CALN1: variants seen among roughly 807,000 people sequenced by gnomAD.
The protein encoded by CALN1 is calneuron 1.
In CALN1, 17 loss-of-function variants were observed where a neutral mutation model predicts 30.6. The observed-to-expected ratio is 0.56, with a 90% CI of 0.38 to 0.83. CALN1 has a LOEUF of 0.83. CALN1 is among the 40% of genes least tolerant of loss of function. The pLI, the probability that CALN1 is intolerant of heterozygous loss-of-function variation, is 0.00. For missense variants in CALN1, 291 were observed against 354.9 expected, an observed-to-expected ratio of 0.82 and a Z score of 1.45; for synonymous variants, 156 against 131.4, an observed-to-expected ratio of 1.19 and a Z score of -1.28.
At chr7:71,891,962 A>G (rs893887309) in intron 5 of CALN1, among the ~76,000 whole-genome samples, 2 of 152,128 alleles carry the variant, frequency 1.3e-5, no homozygotes, top group Non-Finnish European at 2.9e-5. Flanking sequence ...ATAAATAAAA[A>G]AAAAAATAAC....
chr7:72,493,313 A>G, the CALN1 span, among the ~76,000 whole-genome samples: 1 of 152,046 alleles, frequency 6.6e-6, no homozygotes, highest in Admixed American at 6.6e-5. Flanking sequence ...TAATGTTTTC[A>G]AGGTTTGTCC....
At chr7:72,226,397 T>A in intron 3 of CALN1, among the ~76,000 whole-genome samples, 1 of 151,856 alleles carries the variant, frequency 6.6e-6, no homozygotes, top group Admixed American at 6.6e-5. Flanking sequence ...ATGCATAGTC[T>A]AGCCCATAGG....
At chr7:72,260,321 A>G (rs531510434) in intron 3 of CALN1, among the ~76,000 whole-genome samples, 21 of 152,108 alleles carry the variant, frequency 1.4e-4, no homozygotes, top group Non-Finnish European at 2.8e-4. Flanking sequence ...CCTTTGACAA[A>G]CTCCGTTTGT....
At chr7:72,164,349 C>CAAA (rs71531792) in intron 3 of CALN1, among the ~76,000 whole-genome samples, 12 of 117,390 alleles carry the variant, frequency 1.0e-4, no homozygotes, top group Non-Finnish European at 1.6e-4. Context: ...AACACTCCGT[C>CAAA]AAAAAAAAAA....
intron 2 of CALN1, among the ~76,000 whole-genome samples, chr7:72,282,726 T>G (rs1239917202): frequency 6.6e-6 from 1 of 152,204 alleles, no homozygotes; most frequent in African/African-American, 2.4e-5. Context: ...AAGGTATTTG[T>G]TACAGCAGTA....
chr7:72,382,101 T>C (rs1487360423), intron 2 of CALN1, among the ~76,000 whole-genome samples: 1 of 152,162 alleles, frequency 6.6e-6, no homozygotes, highest in Non-Finnish European at 1.5e-5. Flanking sequence ...AAAACAAAAA[T>C]GCAAGCCCCT....
intron 5 of CALN1, among the ~76,000 whole-genome samples, chr7:71,991,560 C>G (rs1798955206): frequency 6.6e-6 from 1 of 151,112 alleles, no homozygotes; most frequent in Non-Finnish European, 1.5e-5. Flanking sequence ...CCATTCTGAC[C>G]AATCAATCTA....
intron 2 of CALN1, among the ~76,000 whole-genome samples, chr7:72,287,254 C>A (rs1486424745): frequency 6.6e-6 from 1 of 151,990 alleles, no homozygotes; most frequent in Non-Finnish European, 1.5e-5. Flanking sequence ...CCTTCCTGTC[C>A]ATGCTTTTAA....
chr7:72,016,186 T>C (rs996858792), intron 5 of CALN1, among the ~76,000 whole-genome samples: 4 of 148,186 alleles, frequency 2.7e-5, no homozygotes, highest in African/African-American at 7.7e-5. Flanking sequence ...GAGGTGGAGG[T>C]TGCAGTGAGC....
At chr7:72,039,247 G>A (rs890034630) in intron 4 of CALN1, among the ~76,000 whole-genome samples, 1 of 152,216 alleles carries the variant, frequency 6.6e-6, no homozygotes, top group Non-Finnish European at 1.5e-5. Context: ...AGGAAGGAAA[G>A]GACCAAGGCA....
chr7:72,212,635 C>T (rs1045863675), intron 3 of CALN1, among the ~76,000 whole-genome samples: 2 of 151,908 alleles, frequency 1.3e-5, no homozygotes, highest in Non-Finnish European at 2.9e-5. Flanking sequence ...GGCAGCAAAG[C>T]GAGACTCCAT....
chr7:71,953,608 T>A lies in CALN1; in HGVS notation c.501+70049A>T, dbSNP rs140104539. Among the ~76,000 whole-genome samples, 670 of 152,260 alleles carry A rather than the reference T, an allele frequency of 4.4e-3. 6 individuals are homozygous for A. Among genetic ancestry groups the A allele is most frequent in the African/African-American group, 0.015 (642 of 41,542 alleles). ...GCCTATTAACAGCATTTTACCTTCA[T>A]AATAGCTCTTTTGAGATGTGTGTAA... On this transcript the variant is annotated intron_variant, in intron 5 of 6. Coordinates refer to ENST00000395275, the MANE Select transcript of CALN1 (RefSeq NM_031468.4).
intron 2 of CALN1, among the ~76,000 whole-genome samples, chr7:72,309,603 G>C (rs1381275192): frequency 6.6e-6 from 1 of 152,088 alleles, no homozygotes; most frequent in African/African-American, 2.4e-5. Flanking sequence ...CGGAGGGCAT[G>C]GGAGGGAAGC....
intron 4 of CALN1, among the ~76,000 whole-genome samples, chr7:72,068,844 G>A (rs1804202441): frequency 6.6e-6 from 1 of 152,072 alleles, no homozygotes; most frequent in Non-Finnish European, 1.5e-5. Flanking sequence ...TTAGCTACCT[G>A]ACACAAGATG....
At chr7:72,343,487 G>C (rs1802477066) in intron 2 of CALN1, among the ~76,000 whole-genome samples, 1 of 151,636 alleles carries the variant, frequency 6.6e-6, no homozygotes, top group Non-Finnish European at 1.5e-5. Context: ...GGCAGAGGTT[G>C]CAATGAGCTG....
chr7:72,200,352 T>C lies in CALN1; in HGVS notation c.244+78334A>G, dbSNP rs143525497. Among the ~76,000 whole-genome samples the C allele has an allele frequency of 4.0e-3, 604 of 152,278 alleles. 5 individuals are homozygous for C. The highest frequency in any genetic ancestry group is 0.013 in the African/African-American group (556 of 41,560). The stretch of plus-strand genomic sequence containing the variant: ...CTCCTTCCTCTCTGTGAACTAGAAA[T>C]GTTAATAGTGCCTACCTCATATTTT... On this transcript the variant is annotated intron_variant, in intron 3 of 6. Transcript: ENST00000395275.
At chr7:72,318,046 G>C (rs926653424) in intron 2 of CALN1, among the ~76,000 whole-genome samples, 1 of 152,028 alleles carries the variant, frequency 6.6e-6, no homozygotes, top group African/African-American at 2.4e-5. Context: ...CTGCTCACAG[G>C]GACCCTTTTT....
chr7:71,802,433 A>G (rs1270457351), intron 6 of CALN1, among the ~76,000 whole-genome samples: 1 of 152,154 alleles, frequency 6.6e-6, no homozygotes, highest in African/African-American at 2.4e-5. Context: ...CACATACTTA[A>G]ATGTCCAACC....
chr7:71,864,254 G>A (rs6967053), intron 5 of CALN1, among the ~76,000 whole-genome samples: 8,610 of 152,198 alleles, frequency 0.057, 810 homozygotes, highest in African/African-American at 0.2. Flanking sequence ...CCCATGATTA[G>A]CTTAAAAATC....
Sources: allele counts gnomAD v4.1 joint callset (sites outside exome capture counted in the v4.1 genomes callset), GRCh38; gene constraint gnomAD v4.1.1; transcripts MANE v1.5; gene names NCBI Gene and HGNC (gene_info 2026-07-23, HGNC 2026-07-21).